Variants in DIP2C observed in about 807,000 individuals in gnomAD.
DIP2C encodes the protein DIP2 acetate--CoA ligase C (putative).
A neutral mutation model predicts 192.4 loss-of-function variants in DIP2C; 33 were observed. The ratio of observed to expected loss-of-function variants is 0.17; its 90% CI spans 0.13 to 0.23. The LOEUF (loss-of-function observed/expected upper bound fraction) is 0.23. Among genes scored for constraint, DIP2C ranks in the 10% least tolerant of loss-of-function variants. The pLI is 1.00. For missense variants in DIP2C, 1,537 were observed against 2,110.1 expected, an observed-to-expected ratio of 0.73 and a Z score of 5.32; for synonymous variants, 979 against 864.1, an observed-to-expected ratio of 1.13 and a Z score of -2.33.
At chr10:336,613 T>C (rs1957779228) in intron 29 of DIP2C, among the ~76,000 whole-genome samples, 1 of 152,268 alleles carries the variant, frequency 6.6e-6, no homozygotes, top group South Asian at 2.1e-4. Flanking sequence ...TTTACTGTAC[T>C]TTGTTATTTT....
At chr10:374,692 G>A (rs1053914347) in intron 17 of DIP2C, among the ~76,000 whole-genome samples, 2 of 152,196 alleles carry the variant, frequency 1.3e-5, no homozygotes, top group Non-Finnish European at 2.9e-5. Flanking sequence ...GGTCCAATTT[G>A]TGTTCCCTGT....
chr10:389,031 TGGGGTCTCAA>T (rs1963232835), intron 13 of DIP2C, among the ~76,000 whole-genome samples: 1 of 82,004 alleles, frequency 1.2e-5, no homozygotes, highest in Non-Finnish European at 2.3e-5. Flanking sequence ...GGGGGTTCTC[TGGGGTCTCAA>T]GGGGCCTCGG....
At chr10:315,589 A>T (rs2132353450) in intron 31 of DIP2C, among the ~76,000 whole-genome samples, 1 of 152,238 alleles carries the variant, frequency 6.6e-6, no homozygotes, top group Middle Eastern at 3.4e-3. Flanking sequence ...ACTTAGTTTT[A>T]TTTCTGCAGG....
chr10:503,960 CAG>C (rs948236201), intron 1 of DIP2C, among the ~76,000 whole-genome samples: 5 of 152,308 alleles, frequency 3.3e-5, no homozygotes, highest in South Asian at 4.1e-4. Context: ...TTATTTTACT[CAG>C]AAATTAAATT....
intron 17 of DIP2C, among the ~76,000 whole-genome samples, chr10:381,687 C>T (rs1962388817): frequency 6.6e-6 from 1 of 152,222 alleles, no homozygotes; most frequent in South Asian, 2.1e-4. Context: ...CAATGCCTGC[C>T]CTTCCACAGT....
At chr10:357,233 A>ACAATGTG (rs1296785621) in intron 23 of DIP2C, among the ~76,000 whole-genome samples, 2 of 152,248 alleles carry the variant, frequency 1.3e-5, no homozygotes, top group Non-Finnish European at 2.9e-5. Flanking sequence ...CGCACACGGC[A>ACAATGTG]CAATGTGCAA....
intron 3 of DIP2C, among the ~76,000 whole-genome samples, chr10:462,231 T>C (rs1969845771): frequency 6.6e-6 from 1 of 152,034 alleles, no homozygotes; most frequent in South Asian, 2.1e-4. Context: ...AAAAAATCAA[T>C]GAATCCAGGA....
At chr10:485,047 C>A in intron 2 of DIP2C, 1 of 1,405,804 alleles carries the variant, frequency 7.1e-7, no homozygotes, top group South Asian at 1.4e-5. Flanking sequence ...CAGGACAGCA[C>A]ACAGACCACC....
intron 1 of DIP2C, chr10:641,718 G>A (rs1011758611): frequency 3.2e-5 from 5 of 154,178 alleles, no homozygotes; most frequent in Non-Finnish European, 5.9e-5. Context: ...AGGAAAGACA[G>A]GAGGCCAGGC....
chr10:618,835 G>A (rs1049042248), intron 1 of DIP2C, among the ~76,000 whole-genome samples: 1 of 152,240 alleles, frequency 6.6e-6, no homozygotes, highest in Non-Finnish European at 1.5e-5. Flanking sequence ...TCAGGCTGAA[G>A]CCGCACGATC....
chr10:372,999 C>G (rs139450808), intron 17 of DIP2C, among the ~76,000 whole-genome samples: 11 of 152,212 alleles, frequency 7.2e-5, no homozygotes, highest in African/African-American at 1.4e-4. Context: ...CATAGGGACT[C>G]GCTTAAAACT....
intron 3 of DIP2C, among the ~76,000 whole-genome samples, chr10:455,041 G>T (rs958952991): frequency 6.6e-6 from 1 of 152,108 alleles, no homozygotes; most frequent in Non-Finnish European, 1.5e-5. Flanking sequence ...ACACAGCCTG[G>T]GGCTGCTGTC....
At chr10:583,737 G>T (rs989580266) in intron 1 of DIP2C, among the ~76,000 whole-genome samples, 1 of 152,158 alleles carries the variant, frequency 6.6e-6, no homozygotes, top group South Asian at 2.1e-4. Flanking sequence ...AAGAACACCC[G>T]ATGCAGAAAC....
At chr10:604,678 AAT>A (rs1852341331) in intron 1 of DIP2C, among the ~76,000 whole-genome samples, 1 of 152,034 alleles carries the variant, frequency 6.6e-6, no homozygotes, top group African/African-American at 2.4e-5. Context: ...AAAGTTCTCT[AAT>A]TAAATTAATT....
intron 25 of DIP2C, 72 bp downstream of exon 25, chr10:349,259 T>TG: frequency 6.4e-7 from 1 of 1,555,332 alleles, no homozygotes. Flanking sequence ...CACCAGCGGG[T>TG]GTAAGGGACC....
intron 1 of DIP2C, among the ~76,000 whole-genome samples, chr10:563,621 A>T (rs1453582818): frequency 2.6e-5 from 4 of 152,230 alleles, no homozygotes; most frequent in Non-Finnish European, 5.9e-5. Context: ...TGAAAATGAA[A>T]AAGAAACCAA....
intron 1 of DIP2C, among the ~76,000 whole-genome samples, chr10:609,111 G>A (rs980051150): frequency 3.3e-5 from 5 of 151,486 alleles, no homozygotes; most frequent in Admixed American, 6.6e-5. Flanking sequence ...TTTATGACTC[G>A]CAGTTCTAAA....
Position 413,141 on chromosome 10 carries a change from TTAC to T in DIP2C, c.1057+769_1057+771del, listed in dbSNP as rs200299858. On this transcript the variant is annotated intron_variant, in intron 8 of 36. Transcript: ENST00000280886. ...ATGAGCCATCATGCCAGCCTTTTAGTTACTACTTTCTTTGTAAAGCTGAAGCAG... is the reference window on the plus strand; with the variant it reads ...ATGAGCCATCATGCCAGCCTTTTAGTTACTTTCTTTGTAAAGCTGAAGCAG... Among the ~76,000 whole-genome samples, 135 of 152,322 alleles carry T rather than the reference TTAC, an allele frequency of 8.9e-4. No homozygotes were observed. The East Asian group carries it at 0.014, about 15-fold the overall frequency.
chr10:297,405 A>G (rs891763274), intron 32 of DIP2C, among the ~76,000 whole-genome samples: 1 of 152,136 alleles, frequency 6.6e-6, no homozygotes, highest in Non-Finnish European at 1.5e-5. Context: ...GATTCACAAT[A>G]CCCAAGATAT....
Sources: gnomAD v4.1 joint callset for allele counts (sites outside exome capture counted in the v4.1 genomes callset) on GRCh38, gnomAD v4.1.1 for gene constraint, MANE v1.5 for transcripts, NCBI Gene and HGNC (gene_info 2026-07-23, HGNC 2026-07-21) for gene names.